THSD4: variants seen among roughly 807,000 people sequenced by gnomAD.
THSD4 encodes the protein thrombospondin type-1 domain-containing protein 4.
A neutral mutation model predicts 119.0 loss-of-function variants in THSD4; 69 were observed. The ratio of observed to expected loss-of-function variants is 0.58; its 90% CI spans 0.48 to 0.71. The LOEUF (loss-of-function observed/expected upper bound fraction) is 0.71. THSD4 is among the 30% of genes least tolerant of loss of function. THSD4 has a pLI of 0.00. For synonymous variants in THSD4, 524 were observed against 540.4 expected (o/e 0.97, Z 0.42); for missense variants, 1,393 against 1,391.1 (o/e 1.00, Z -0.02).
At position 71,604,824 on chromosome 15, in the gene THSD4, AAAAC is replaced by A. The variant is rs552359652; in HGVS notation, c.1153-55702_1153-55699del. The stretch of plus-strand genomic sequence containing the variant: ...AGTGCCAAAAGTGAAAACAAAAACA[AAAAC>A]AAAAAAAAAACCTGTCAACATAGAA... On this transcript the variant is annotated intron_variant, in intron 7 of 17. Transcript: ENST00000261862. Among the ~76,000 whole-genome samples the A allele has an allele frequency of 5.7e-4, 70 of 122,026 alleles. 2 individuals are homozygous for A. The South Asian group carries it at 0.018, about 31-fold the overall frequency. The allele number at this position is 122,026 out of a possible 152,430, so 80.1% of individuals were successfully genotyped here.
chr15:71,244,809 G>A (rs575432389), intron 5 of THSD4, among the ~76,000 whole-genome samples: 4 of 152,270 alleles, frequency 2.6e-5, no homozygotes, highest in East Asian at 3.9e-4. Flanking sequence ...CTTTTAAAAC[G>A]AAATGAATTC....
chr15:71,472,032 A>G (rs2047587940), intron 7 of THSD4, among the ~76,000 whole-genome samples: 1 of 152,060 alleles, frequency 6.6e-6, no homozygotes, highest in Admixed American at 6.5e-5. Flanking sequence ...CCTCCACCTT[A>G]GCCTCCCGAG....
At chr15:71,117,816 G>GCTATGTGCCAGGGACTGTTA (rs985107335) in intron 1 of THSD4, among the ~76,000 whole-genome samples, 1 of 152,176 alleles carries the variant, frequency 6.6e-6, no homozygotes, top group Non-Finnish European at 1.5e-5. Flanking sequence ...CTGAGCGTCT[G>GCTATGTGCCAGGGACTGTTA]CTATGTGCCA....
intron 8 of THSD4, among the ~76,000 whole-genome samples, chr15:71,719,370 G>GATT (rs1168398112): frequency 1.3e-5 from 2 of 152,194 alleles, no homozygotes; most frequent in African/African-American, 4.8e-5. Context: ...ATTACTGTGT[G>GATT]ATATCTGCGT....
intron 6 of THSD4, among the ~76,000 whole-genome samples, chr15:71,384,291 T>C (rs113826105): frequency 1.7e-3 from 255 of 151,988 alleles, no homozygotes; most frequent in Middle Eastern, 0.01. Flanking sequence ...GGCAGGAGAA[T>C]GGCGTGAACC....
chr15:71,130,485 C>T (rs1036561992), intron 1 of THSD4, among the ~76,000 whole-genome samples: 1 of 152,008 alleles, frequency 6.6e-6, no homozygotes, highest in Non-Finnish European at 1.5e-5. Flanking sequence ...TGCGCCCGGC[C>T]CTGAGAGGCA....
chr15:71,743,481 G>A (rs1405443897), intron 11 of THSD4, among the ~76,000 whole-genome samples: 1 of 152,200 alleles, frequency 6.6e-6, no homozygotes, highest in Non-Finnish European at 1.5e-5. Context: ...TAACTGCACA[G>A]TGTACTTAAT....
chr15:71,573,603 T>C (rs916620432), intron 7 of THSD4, among the ~76,000 whole-genome samples: 2 of 152,212 alleles, frequency 1.3e-5, no homozygotes, highest in African/African-American at 4.8e-5. Context: ...CCATACTGTT[T>C]TAATGTAAAA....
chr15:71,507,915 A>G (rs2048215650), intron 7 of THSD4, among the ~76,000 whole-genome samples: 1 of 152,352 alleles, frequency 6.6e-6, no homozygotes, highest in South Asian at 2.1e-4. Flanking sequence ...TAGATCTTCT[A>G]ATAACTTTTG....
intron 6 of THSD4, among the ~76,000 whole-genome samples, chr15:71,317,874 T>C (rs2045211449): frequency 1.3e-5 from 2 of 152,238 alleles, no homozygotes; most frequent in South Asian, 4.1e-4. Context: ...AGAATTCTCA[T>C]GGCATTAAAT....
At chr15:71,292,668 T>C (rs886823353) in intron 6 of THSD4, among the ~76,000 whole-genome samples, 2 of 150,300 alleles carry the variant, frequency 1.3e-5, no homozygotes, top group African/African-American at 4.9e-5. Flanking sequence ...TTTAAGAATA[T>C]AACAGGATTT....
At chr15:71,624,406 A>C in intron 7 of THSD4, among the ~76,000 whole-genome samples, 1 of 152,236 alleles carries the variant, frequency 6.6e-6, no homozygotes, top group East Asian at 1.9e-4. Context: ...ATTTGTAAAC[A>C]CTTTAAATCA....
intron 7 of THSD4, among the ~76,000 whole-genome samples, chr15:71,558,809 T>G (rs768737824): frequency 2.0e-5 from 3 of 152,208 alleles, no homozygotes; most frequent in Non-Finnish European, 4.4e-5. Flanking sequence ...ATTATGATAT[T>G]TTCTCTGACC....
At chr15:71,750,376 G>A (rs543979475) in intron 14 of THSD4, among the ~76,000 whole-genome samples, 1 of 152,306 alleles carries the variant, frequency 6.6e-6, no homozygotes, top group African/African-American at 2.4e-5. Context: ...CACCCCTAGA[G>A]GTGTTCACAT....
intron 7 of THSD4, among the ~76,000 whole-genome samples, chr15:71,652,775 G>T (rs976367379): frequency 5.3e-5 from 8 of 152,148 alleles, no homozygotes; most frequent in African/African-American, 1.9e-4. Flanking sequence ...ACTGAAAAGT[G>T]ACAGCCATAA....
chr15:71,100,098 G>A (rs1184399696), intron 1 of THSD4, among the ~76,000 whole-genome samples: 2 of 152,062 alleles, frequency 1.3e-5, no homozygotes, highest in East Asian at 3.9e-4. Flanking sequence ...TTAACTGGTA[G>A]GTCTGTTGGA....
At chr15:71,351,584 T>C (rs1205900608) in intron 6 of THSD4, among the ~76,000 whole-genome samples, 2 of 152,192 alleles carry the variant, frequency 1.3e-5, no homozygotes, top group African/African-American at 4.8e-5. Context: ...CTTCAAAATA[T>C]CAAAATGCTT....
At chr15:71,515,591 T>C (rs1350306349) in intron 7 of THSD4, among the ~76,000 whole-genome samples, 1 of 152,202 alleles carries the variant, frequency 6.6e-6, no homozygotes, top group Non-Finnish European at 1.5e-5. Flanking sequence ...TGACATTCAA[T>C]AAATCTTCGG....
At chr15:71,725,726 A>T (rs2141121755) in intron 8 of THSD4, among the ~76,000 whole-genome samples, 1 of 152,256 alleles carries the variant, frequency 6.6e-6, no homozygotes, top group East Asian at 1.9e-4. Context: ...CAATGGAATG[A>T]TGGAGGCAGA....
Sources: gnomAD v4.1 joint callset for allele counts (sites outside exome capture counted in the v4.1 genomes callset) on GRCh38, gnomAD v4.1.1 for gene constraint, MANE v1.5 for transcripts, NCBI Gene and HGNC (gene_info 2026-07-23, HGNC 2026-07-21) for gene names.